POLD1: variants seen among roughly 807,000 people sequenced by gnomAD.
POLD1 encodes the protein DNA polymerase delta 1, catalytic subunit.
In POLD1, 79 loss-of-function variants were observed where a neutral mutation model predicts 129.7. The ratio of observed to expected loss-of-function variants is 0.61; its 90% CI spans 0.51 to 0.73. POLD1 has a LOEUF of 0.73. Ranked by LOEUF, POLD1 falls within the 30% of genes least tolerant of loss-of-function variation. The pLI is 0.00. For missense variants in POLD1, 1,338 were observed against 1,595.8 expected, an observed-to-expected ratio of 0.84 and a Z score of 2.75; for synonymous variants, 714 against 683.3, an observed-to-expected ratio of 1.04 and a Z score of -0.70.
chr19:50,403,548 TC>T lies in POLD1; in HGVS notation c.1195del (p.Gln399ArgfsTer79). ...MDPDVITGYN[I>X]QNFDLPYLIS... is the part of the protein sequence containing the mutation. ...CCCGACGTGATCACCGGTTACAACA[TC>T]CAGAACTTCGACCTTCCGTACCTCA... On this transcript the variant is annotated frameshift_variant, in exon 10 of 27. Transcript: ENST00000440232. LOFTEE classifies it high-confidence loss of function. 1 of 1,614,028 alleles carries T rather than the reference TC, an allele frequency of 6.2e-7. No individual in the cohort carries two copies. Among genetic ancestry groups the T allele is most frequent in the Middle Eastern group, 1.6e-4 (1 of 6,062 alleles).
chr19:50,406,929 TCCACCTC>T lies in POLD1; in HGVS notation c.1495-48_1495-42del. 1 of 1,371,528 alleles carries T rather than the reference TCCACCTC, an allele frequency of 7.3e-7. No individual in the cohort carries two copies. The highest frequency in any genetic ancestry group is 9.9e-7 in the Non-Finnish European group (1 of 1,006,024). 85.0% of individuals were successfully genotyped at this position (1,371,528 alleles called of 1,614,324 possible). A position where few individuals can be genotyped will look rare whatever the true frequency, so the allele number is the denominator to read the frequency against. ...CCTGACCCCCACTTCCTTCTCCTGC[TCCACCTC>T]CCACCCCCAACCCCTGGTCCCTGAC... On this transcript the variant is annotated intron_variant, in intron 12 of 26. Coordinates refer to ENST00000440232, the MANE Select transcript of POLD1 (RefSeq NM_002691.4). The surrounding 1 kb of genome is among the most constrained non-coding windows in gnomAD (Gnocchi z 5.5).
In POLD1 at chr19:50,409,471, C is replaced by A. The variant is rs1223675283; in HGVS notation, c.2007-48C>A. On this transcript the variant is annotated intron_variant, in intron 16 of 26. Coordinates refer to ENST00000440232, the MANE Select transcript of POLD1 (RefSeq NM_002691.4). The surrounding 1 kb of genome is among the most constrained non-coding windows in gnomAD (Gnocchi z 5.8). The stretch of plus-strand genomic sequence containing the variant: ...CTCACTTCCAGAAAGGAGCCCTGAC[C>A]AATGCCCAGGTGCCGCCTGAGTGTG... The A allele has an allele frequency of 1.9e-6, 3 of 1,612,042 alleles. No individual in the cohort carries two copies. Among genetic ancestry groups the A allele is most frequent in the Non-Finnish European group, 2.5e-6 (3 of 1,179,176 alleles).
At position 50,409,462 on chromosome 19, in the gene POLD1, A is replaced by C; in HGVS notation, c.2007-57A>C. The C allele has an allele frequency of 1.9e-6, 3 of 1,608,658 alleles. No individual in the cohort carries two copies. The Admixed American group carries it at 5.0e-5, about 27-fold the overall frequency. On this transcript the variant is annotated intron_variant, in intron 16 of 26. Coordinates refer to ENST00000440232, the MANE Select transcript of POLD1 (RefSeq NM_002691.4). This position sits in a 1 kb window ranked among gnomAD's most constrained non-coding sequence, Gnocchi z 5.8. ...TACATGGCACTCACTTCCAGAAAGG[A>C]GCCCTGACCAATGCCCAGGTGCCGC...
chr19:50,412,052 C>T (rs965806596), intron 17 of POLD1, among the ~76,000 whole-genome samples: 76 of 152,306 alleles, frequency 5.0e-4, no homozygotes, highest in Non-Finnish European at 8.1e-4. Flanking sequence ...GAGGCTGAGA[C>T]GGGAAGATGG....
intron 22 of POLD1, chr19:50,416,111 A>G (rs906463753): frequency 5.5e-6 from 3 of 550,038 alleles, no homozygotes; most frequent in African/African-American, 2.0e-5. Flanking sequence ...CTCTACCCCC[A>G]CCCCCAGTGA....
intron 3 of POLD1, among the ~76,000 whole-genome samples, 194 bp downstream of exon 3, chr19:50,399,678 G>A (rs940263716): frequency 6.6e-5 from 10 of 152,326 alleles, no homozygotes; most frequent in African/African-American, 1.2e-4. Flanking sequence ...TGTGGAGTGC[G>A]AAGCGAAGGT....
chr19:50,399,400 C>T lies in POLD1; in HGVS notation c.232C>T (p.Arg78Cys), dbSNP rs141319800. The T allele has an allele frequency of 2.4e-5, 38 of 1,614,164 alleles. No individual in the cohort carries two copies. Among genetic ancestry groups the T allele is most frequent in the African/African-American group, 1.7e-4 (13 of 75,070 alleles). Reference sequence around the variant, plus strand: ...GGTCCCACCATCAGCCATAGATCCTCGCTGGCTTCGGCCCACACCACCAGC... The same window carrying T: ...GGTCCCACCATCAGCCATAGATCCTTGCTGGCTTCGGCCCACACCACCAGC... ...GQVPPSAIDP[R>C]WLRPTPPALD... Residue 78 changes from arginine (R) to cysteine (C), a missense_variant, in exon 3 of 27, where the codon CGC becomes TGC. Coordinates refer to ENST00000440232, the MANE Select transcript of POLD1 (RefSeq NM_002691.4).
Position 50,402,372 on chromosome 19 carries a change from C to A in POLD1, c.757C>A (p.Arg253=), listed in dbSNP as rs776204287. 3 of 1,611,302 alleles carry A rather than the reference C, an allele frequency of 1.9e-6. No individual in the cohort carries two copies. The highest frequency in any genetic ancestry group is 2.5e-6 in the Non-Finnish European group (3 of 1,177,886). The change falls in exon 6 of 27, where the codon CGG becomes AGG. Residue 253 remains arginine (R), a splice_region_variant and synonymous_variant. Transcript: ENST00000440232. ...CGAGGCCAACGTCGACTTTGAGATCCGGTACGGCCTCTGCCTCACTTCTCC... is the reference window on the plus strand; with the variant it reads ...CGAGGCCAACGTCGACTTTGAGATCAGGTACGGCCTCTGCCTCACTTCTCC... ...PYEANVDFEI[R]FMVDTDIVGC...
At chr19:50,417,342 C>T (rs769672770) in intron 26 of POLD1, 73 bp downstream of exon 26, 5 of 1,000,258 alleles carry the variant, frequency 5.0e-6, no homozygotes, top group Non-Finnish European at 7.4e-6. Flanking sequence ...GTGGACCCAA[C>T]CTCTGACTCC....
intron 1 of POLD1, among the ~76,000 whole-genome samples, chr19:50,393,591 G>C (rs1243634906): frequency 6.6e-6 from 1 of 152,120 alleles, no homozygotes; most frequent in Admixed American, 6.6e-5. Context: ...ACCTGAGCCC[G>C]GGAGGTCAAG....
chr19:50,404,794 G>C (rs908915779), intron 10 of POLD1, among the ~76,000 whole-genome samples: 1 of 151,376 alleles, frequency 6.6e-6, no homozygotes, highest in African/African-American at 2.4e-5. Flanking sequence ...CGCTCTTGTT[G>C]CCCAGGCTGG....
chr19:50,407,224 G>C, intron 13 of POLD1, 50 bp downstream of exon 13: 1 of 1,563,942 alleles, frequency 6.4e-7, no homozygotes, highest in Non-Finnish European at 8.7e-7. Context: ...CACGTCTGTG[G>C]CCCCCTCCAG....
rs878854528 is a variant in POLD1, at chr19:50,408,893, G to A, written c.1884G>A (p.Gln628=). 6.2e-7 allele frequency: 1 copy of A among 1,610,710 alleles called. No homozygotes were observed. Among genetic ancestry groups the A allele is most frequent in the East Asian group, 2.2e-5 (1 of 44,878 alleles). ...CGCTCCTTCGGCCCGGGACTGCACA[G>A]AAACTGGGGTATAGTGCCCAATTCA... ...YTTLLRPGTA[Q]KLGLTEDQFI... The change falls in exon 15 of 27, where the codon CAG becomes CAA. Residue 628 remains glutamine (Q), a synonymous_variant. Transcript: ENST00000440232.
At chr19:50,390,570 C>T (rs1035464447) in intron 1 of POLD1, among the ~76,000 whole-genome samples, 1 of 142,312 alleles carries the variant, frequency 7.0e-6, no homozygotes. Flanking sequence ...TTCTTGAGAA[C>T]TATTTTTTTT....
chr19:50,385,051 T>G (rs754527247), intron 1 of POLD1, among the ~76,000 whole-genome samples: 1 of 152,160 alleles, frequency 6.6e-6, no homozygotes, highest in Non-Finnish European at 1.5e-5. Context: ...CTATAGGGCC[T>G]TGTAAAACTT....
chr19:50,402,985 G>C lies in POLD1; in HGVS notation c.971-68G>C, dbSNP rs116712504. On this transcript the variant is annotated intron_variant, in intron 8 of 26. Coordinates refer to ENST00000440232, the MANE Select transcript of POLD1 (RefSeq NM_002691.4). ...GGGGACAGCCCCGGGGAGATGGCAG[G>C]TGCAGCCTCCCTGCTGTGTTGGGAG... 3.0e-3 allele frequency: 4,525 copies of C among 1,529,100 alleles called. 120 individuals are homozygous for C. In the African/African-American group the frequency reaches 0.052, roughly 18 times the overall value. 94.7% of individuals were successfully genotyped at this position (1,529,100 alleles called of 1,614,324 possible). A position where few individuals can be genotyped will look rare whatever the true frequency, so the allele number is the denominator to read the frequency against.
rs772568502 is a variant in POLD1, at chr19:50,416,976, G to A, written c.3068-69G>A. The A allele has an allele frequency of 3.0e-5, 44 of 1,455,816 alleles. 1 individual carries two copies. The Middle Eastern group carries it at 2.4e-3, about 80-fold the overall frequency. 90.2% of individuals were successfully genotyped at this position (1,455,816 alleles called of 1,614,324 possible). ...GGACTTTCAGAAGCTGGGATTGGCA[G>A]TGGGCAGGGATGGGGTGGCCCAGTT... On this transcript the variant is annotated intron_variant, in intron 24 of 26. Transcript: ENST00000440232.
In POLD1 at chr19:50,406,640, T is replaced by C. The variant is rs546920342; in HGVS notation, c.1494+123T>C. The C allele has an allele frequency of 5.4e-6, 4 of 745,766 alleles. No individual in the cohort carries two copies. In the East Asian group the frequency reaches 1.1e-4, roughly 20 times the overall value. The allele number at this position is 745,766 out of a possible 1,614,324, so 46.2% of individuals were successfully genotyped here. ...CACTCTTTGACCTGCTGTTATGACCTGTGACCTTACCTGACGCCCACTTTT... is the reference window on the plus strand; with the variant it reads ...CACTCTTTGACCTGCTGTTATGACCCGTGACCTTACCTGACGCCCACTTTT... On this transcript the variant is annotated intron_variant, in intron 12 of 26. Coordinates refer to ENST00000440232, the MANE Select transcript of POLD1 (RefSeq NM_002691.4). The surrounding 1 kb of genome is among the most constrained non-coding windows in gnomAD (Gnocchi z 5.5).
chr19:50,390,235 C>CT (rs113095533), intron 1 of POLD1, among the ~76,000 whole-genome samples: 78 of 142,742 alleles, frequency 5.5e-4, no homozygotes, highest in East Asian at 4.4e-3. Flanking sequence ...CTTTTCTTTT[C>CT]TTTTTTTTTT....
Sources: gnomAD v4.1 joint callset for allele counts (sites outside exome capture counted in the v4.1 genomes callset) on GRCh38, gnomAD v4.1.1 for gene constraint, Gnocchi (gnomAD v3.1) non-coding constraint, MANE v1.5 for transcripts, NCBI Gene and HGNC (gene_info 2026-07-23, HGNC 2026-07-21) for gene names.